The following CSMD1 variants were observed in gnomAD, a reference collection of about 807,000 sequenced individuals.
CSMD1 encodes the protein CUB and sushi domain-containing protein 1.
A neutral mutation model predicts 417.5 loss-of-function variants in CSMD1; 213 were observed. The ratio of observed to expected loss-of-function variants is 0.51; its 90% CI spans 0.46 to 0.57. CSMD1 has a LOEUF of 0.57. Among genes scored for constraint, CSMD1 ranks in the 20% least tolerant of loss-of-function variants. The pLI, the probability that CSMD1 is intolerant of heterozygous loss-of-function variation, is 0.00. For synonymous variants in CSMD1, 2,862 were observed against 1,736.8 expected (o/e 1.65, Z -16.11); for missense variants, 6,923 against 4,529.7 (o/e 1.53, Z -15.17).
At chr8:3,846,595 A>G (rs1451239585) in intron 5 of CSMD1, among the ~76,000 whole-genome samples, 2 of 152,198 alleles carry the variant, frequency 1.3e-5, no homozygotes, top group Non-Finnish European at 2.9e-5. Context: ...TAAAATAAAT[A>G]TTCACAAACA....
intron 7 of CSMD1, among the ~76,000 whole-genome samples, chr8:3,654,776 G>T (rs1798021432): frequency 6.6e-6 from 1 of 152,216 alleles, no homozygotes; most frequent in South Asian, 2.1e-4. Flanking sequence ...AGGACTGGGT[G>T]CTCCCACTGG....
At chr8:4,223,340 A>C (rs562349375) in intron 3 of CSMD1, among the ~76,000 whole-genome samples, 1 of 152,356 alleles carries the variant, frequency 6.6e-6, no homozygotes, top group Non-Finnish European at 1.5e-5. Flanking sequence ...GTTGTCTCAG[A>C]ACAATTTAAA....
chr8:4,758,143 G>T (rs544550443), intron 1 of CSMD1, among the ~76,000 whole-genome samples: 1 of 152,078 alleles, frequency 6.6e-6, no homozygotes, highest in Admixed American at 6.5e-5. Context: ...CAACCAAAAT[G>T]GTGGTGTTTT....
intron 10 of CSMD1, among the ~76,000 whole-genome samples, chr8:3,550,138 C>T (rs1260136084): frequency 1.3e-5 from 2 of 152,154 alleles, no homozygotes; most frequent in African/African-American, 2.4e-5. Context: ...CACCCATGCA[C>T]GTGGCCTCAA....
chr8:4,621,692 T>C (rs901669519), intron 2 of CSMD1, among the ~76,000 whole-genome samples: 12 of 152,024 alleles, frequency 7.9e-5, no homozygotes, highest in African/African-American at 2.7e-4. Context: ...ATTTACCGTC[T>C]CCTGTACAGT....
chr8:3,302,204 G>C (rs1165493938), intron 25 of CSMD1, among the ~76,000 whole-genome samples: 1 of 152,172 alleles, frequency 6.6e-6, no homozygotes, highest in African/African-American at 2.4e-5. Context: ...GCTCTGAGGA[G>C]AGATGTCAGG....
At chr8:4,651,485 C>G (rs765228318) in intron 1 of CSMD1, among the ~76,000 whole-genome samples, 2 of 152,076 alleles carry the variant, frequency 1.3e-5, no homozygotes, top group African/African-American at 4.8e-5. Context: ...AGGAATTGAA[C>G]AAACACAAGC....
intron 2 of CSMD1, among the ~76,000 whole-genome samples, chr8:4,527,414 T>C (rs999529970): frequency 1.3e-5 from 2 of 152,190 alleles, no homozygotes; most frequent in African/African-American, 2.4e-5. Flanking sequence ...TCTGAACTTA[T>C]TTTAGGCCAT....
At chr8:3,889,327 A>T (rs1450687529) in intron 5 of CSMD1, among the ~76,000 whole-genome samples, 1 of 151,244 alleles carries the variant, frequency 6.6e-6, no homozygotes, top group Non-Finnish European at 1.5e-5. Context: ...AGAGACGATA[A>T]TCTGCCATGT....
intron 2 of CSMD1, among the ~76,000 whole-genome samples, chr8:4,522,183 C>T (rs569312792): frequency 6.6e-6 from 1 of 152,052 alleles, no homozygotes; most frequent in Non-Finnish European, 1.5e-5. Flanking sequence ...GAATGAGTCT[C>T]GTGAGAGCTG....
chr8:2,993,818 T>G (rs548059593), intron 54 of CSMD1, among the ~76,000 whole-genome samples: 1 of 152,144 alleles, frequency 6.6e-6, no homozygotes, highest in South Asian at 2.1e-4. Context: ...GTTACTCCCC[T>G]GCATTGAAGA....
intron 42 of CSMD1, among the ~76,000 whole-genome samples, chr8:3,112,358 G>C (rs1468036559): frequency 6.6e-6 from 1 of 152,068 alleles, no homozygotes; most frequent in African/African-American, 2.4e-5. Flanking sequence ...GAATCTTGTA[G>C]TTACATAACC....
chr8:4,685,565 G>C (rs1234701406), intron 1 of CSMD1, among the ~76,000 whole-genome samples: 1 of 151,902 alleles, frequency 6.6e-6, no homozygotes, highest in Admixed American at 6.6e-5. Context: ...GACAGAATGA[G>C]ACTCCTTCTT....
intron 10 of CSMD1, among the ~76,000 whole-genome samples, chr8:3,542,423 C>T (rs75711081): frequency 0.039 from 6,008 of 152,212 alleles, 346 homozygotes; most frequent in African/African-American, 0.12. Flanking sequence ...TACCGTTCTA[C>T]GATTGGATGT....
intron 5 of CSMD1, among the ~76,000 whole-genome samples, chr8:3,817,552 T>G (rs975341543): frequency 6.6e-6 from 1 of 152,074 alleles, no homozygotes; most frequent in Non-Finnish European, 1.5e-5. Flanking sequence ...GCGCAGGGAT[T>G]GCAGGCATGA....
intron 2 of CSMD1, among the ~76,000 whole-genome samples, chr8:4,627,859 C>T (rs548331214): frequency 2.6e-5 from 4 of 152,220 alleles, no homozygotes; most frequent in African/African-American, 7.2e-5. Flanking sequence ...AAGGTTTTCA[C>T]CCTTGGCATT....
chr8:4,460,075 C>A (rs149340102), intron 2 of CSMD1, among the ~76,000 whole-genome samples: 10 of 152,012 alleles, frequency 6.6e-5, no homozygotes, highest in Non-Finnish European at 1.0e-4. Flanking sequence ...TTTTCAAGGG[C>A]GTATGAAACA....
chr8:4,287,092 T>C (rs896602092), intron 3 of CSMD1, among the ~76,000 whole-genome samples: 4 of 152,200 alleles, frequency 2.6e-5, no homozygotes, highest in Non-Finnish European at 4.4e-5. Context: ...AGAGTTTCAA[T>C]CTACTTCACA....
intron 3 of CSMD1, among the ~76,000 whole-genome samples, chr8:4,359,282 T>C (rs909671885): frequency 6.6e-6 from 1 of 152,316 alleles, no homozygotes; most frequent in African/African-American, 2.4e-5. Flanking sequence ...TCAATAGATA[T>C]ATTCTGTGTA....
Sources: allele counts gnomAD v4.1 joint callset (sites outside exome capture counted in the v4.1 genomes callset), GRCh38; gene constraint gnomAD v4.1.1; transcripts MANE v1.5; gene names NCBI Gene and HGNC (gene_info 2026-07-23, HGNC 2026-07-21).